The following INVS variants were observed in gnomAD, a reference collection of about 807,000 sequenced individuals.
INVS encodes inversin.
In INVS, 86 loss-of-function variants were observed where a neutral mutation model predicts 108.8. The observed-to-expected ratio is 0.79, with a 90% CI of 0.66 to 0.95. INVS has a LOEUF of 0.95. INVS is among the 40% of genes least tolerant of loss of function. The pLI is 0.00. For missense variants in INVS, 1,169 were observed against 1,297.4 expected, an observed-to-expected ratio of 0.90 and a Z score of 1.52; for synonymous variants, 455 against 473.5, an observed-to-expected ratio of 0.96 and a Z score of 0.51.
At chr9:100,290,061 T>C (rs1833565352) in intron 13 of INVS, among the ~76,000 whole-genome samples, 1 of 151,762 alleles carries the variant, frequency 6.6e-6, no homozygotes, top group Non-Finnish European at 1.5e-5. Flanking sequence ...TTCTAATAGG[T>C]GTGTAGTGGT....
chr9:100,240,870 C>T (rs991460969), intron 6 of INVS, among the ~76,000 whole-genome samples: 2 of 151,546 alleles, frequency 1.3e-5, no homozygotes, highest in African/African-American at 4.8e-5. Context: ...CCTTTGCTTT[C>T]TGCTCTTTGG....
chr9:100,127,136 C>T (rs1235274456), intron 3 of INVS, among the ~76,000 whole-genome samples: 2 of 152,004 alleles, frequency 1.3e-5, no homozygotes, highest in African/African-American at 4.8e-5. Flanking sequence ...GTTGAGGCTG[C>T]AGTGAACTGA....
chr9:100,223,443 T>C (rs183283285), intron 3 of INVS, among the ~76,000 whole-genome samples: 1 of 152,274 alleles, frequency 6.6e-6, no homozygotes, highest in East Asian at 1.9e-4. Flanking sequence ...CTAGAAGATA[T>C]TTCATTTCTT....
intron 13 of INVS, among the ~76,000 whole-genome samples, chr9:100,287,263 A>AT (rs1055562215): frequency 1.3e-5 from 2 of 152,204 alleles, no homozygotes; most frequent in Non-Finnish European, 2.9e-5. Flanking sequence ...TCAGGACAGC[A>AT]TTTTCAGAAA....
rs188103090 is a variant in INVS at position 100,238,783 on chromosome 9, C to T, written c.616-1277C>T. On this transcript the variant is annotated intron_variant, in intron 5 of 16. Transcript: ENST00000262457. Reference sequence around the variant, plus strand: ...ATGACATTTTTCACTTCTAAAAGTTCTATTTGGTTCTTTTTCAAATCTGCC... The same window carrying T: ...ATGACATTTTTCACTTCTAAAAGTTTTATTTGGTTCTTTTTCAAATCTGCC... Among the ~76,000 whole-genome samples the T allele has an allele frequency of 2.2e-3, 341 of 152,270 alleles. 1 individual carries two copies. Among genetic ancestry groups the T allele is most frequent in the Middle Eastern group, 6.8e-3 (2 of 294 alleles).
intron 3 of INVS, among the ~76,000 whole-genome samples, chr9:100,143,875 A>G (rs1588035328): frequency 6.6e-6 from 1 of 152,104 alleles, no homozygotes; most frequent in Admixed American, 6.6e-5. Context: ...GGACGGACTT[A>G]CCTTCCACTG....
At chr9:100,102,287 C>T (rs7850961) in intron 1 of INVS, among the ~76,000 whole-genome samples, 28,618 of 151,674 alleles carry the variant, frequency 0.19, 4,288 homozygotes, top group African/African-American at 0.42. Context: ...TTAGTAGGGA[C>T]GGGGTTTCAC....
chr9:100,284,020 T>C (rs926470816), intron 12 of INVS, among the ~76,000 whole-genome samples: 1 of 152,186 alleles, frequency 6.6e-6, no homozygotes, highest in Non-Finnish European at 1.5e-5. Flanking sequence ...TTGGGGCACA[T>C]ACACCGTTGG....
intron 3 of INVS, among the ~76,000 whole-genome samples, chr9:100,135,212 G>A (rs1045667405): frequency 6.6e-5 from 10 of 152,172 alleles, no homozygotes; most frequent in African/African-American, 2.2e-4. Flanking sequence ...GACATTATTT[G>A]TAGGGAAGGT....
intron 3 of INVS, among the ~76,000 whole-genome samples, chr9:100,210,344 G>T (rs1249992183): frequency 6.6e-6 from 1 of 152,218 alleles, no homozygotes; most frequent in African/African-American, 2.4e-5. Context: ...GGGACAAATT[G>T]ATTGGAAGGA....
In INVS at chr9:100,104,594, G is replaced by A. The variant is rs1827111727; in HGVS notation, c.73G>A (p.Gly25Arg). 1 of 1,613,910 alleles carries A rather than the reference G, an allele frequency of 6.2e-7. No individual in the cohort carries two copies. Among genetic ancestry groups the A allele is most frequent in the Non-Finnish European group, 8.5e-7 (1 of 1,179,926 alleles). The change falls in exon 2 of 17, where the codon GGA (glycine) becomes AGA (arginine). Residue 25 changes from glycine to arginine, a missense_variant. By Grantham distance (125) the Gly-to-Arg change is moderately radical. Around this residue, in one of 3 missense-constraint regions of INVS, gnomAD observed 365 missense variants for 397.5 expected, o/e 0.92. Transcript: ENST00000262457. ...ACAAGTCCATGCTGCTGCCGTTAATGGAGATAAGGGTGCTCTACAGAGGCT... is the reference window on the plus strand; with the variant it reads ...ACAAGTCCATGCTGCTGCCGTTAATAGAGATAAGGGTGCTCTACAGAGGCT... ...ASQVHAAAVN[G>R]DKGALQRLIV...
chr9:100,241,306 GT>G (rs1831865020), intron 6 of INVS, among the ~76,000 whole-genome samples: 1 of 151,922 alleles, frequency 6.6e-6, no homozygotes, highest in Non-Finnish European at 1.5e-5. Flanking sequence ...TGTTCTATAA[GT>G]TTTGCTTTCT....
chr9:100,268,678 C>T (rs1832863740), intron 11 of INVS, among the ~76,000 whole-genome samples: 1 of 152,054 alleles, frequency 6.6e-6, no homozygotes, highest in African/African-American at 2.4e-5. Flanking sequence ...ATGTTATTCT[C>T]TCTACCTTTT....
intron 3 of INVS, among the ~76,000 whole-genome samples, chr9:100,135,889 A>G (rs971524141): frequency 1.3e-5 from 2 of 152,058 alleles, no homozygotes; most frequent in African/African-American, 4.8e-5. Context: ...ACCAATATTT[A>G]AGGTTTATTT....
intron 3 of INVS, among the ~76,000 whole-genome samples, chr9:100,211,193 GA>G (rs1484422023): frequency 5.9e-5 from 9 of 151,944 alleles, no homozygotes; most frequent in Non-Finnish European, 1.3e-4. Context: ...CCAACTGTGA[GA>G]AACCAAATAT....
chr9:100,122,036 C>T (rs1245407597), intron 2 of INVS, among the ~76,000 whole-genome samples: 1 of 152,126 alleles, frequency 6.6e-6, no homozygotes, highest in Non-Finnish European at 1.5e-5. Flanking sequence ...TCTGATAATA[C>T]ACTTTGTATG....
intron 5 of INVS, among the ~76,000 whole-genome samples, chr9:100,230,872 C>T (rs1293447529): frequency 1.3e-5 from 2 of 152,176 alleles, no homozygotes; most frequent in Non-Finnish European, 2.9e-5. Flanking sequence ...ATTCTTACTG[C>T]TATATAGGAT....
intron 2 of INVS, chr9:100,117,629 G>A: frequency 4.3e-6 from 1 of 234,512 alleles, no homozygotes; most frequent in Non-Finnish European, 7.3e-6. Flanking sequence ...CCCACCTCCC[G>A]CTGCACCGGC....
chr9:100,253,728 T>C (rs920595048), intron 10 of INVS, among the ~76,000 whole-genome samples: 4 of 152,226 alleles, frequency 2.6e-5, no homozygotes, highest in African/African-American at 9.6e-5. Flanking sequence ...TCCATGTCCC[T>C]ACAAAGGACA....
Sources: allele counts gnomAD v4.1 joint callset (sites outside exome capture counted in the v4.1 genomes callset), GRCh38; gene constraint gnomAD v4.1.1; regional missense constraint gnomAD v4.1.1; transcripts MANE v1.5; gene names NCBI Gene and HGNC (gene_info 2026-07-23, HGNC 2026-07-21).